MALL: variants seen among roughly 807,000 people sequenced by gnomAD.
The protein encoded by MALL is MAL-like protein.
MALL carries 2 observed loss-of-function variants against 10.3 expected under a neutral mutation model. That is an observed-to-expected ratio of 0.19 (90% CI 0.08 to 0.61). The LOEUF is 0.61. Ranked by LOEUF, MALL falls within the 20% of genes least tolerant of loss-of-function variation. The probability of loss-of-function intolerance (pLI) is 0.88; values close to 1 mark genes in which losing one functional copy is unlikely to be tolerated. For missense variants in MALL, 39 were observed against 115.2 expected (o/e 0.34, Z 3.03); for synonymous variants, 27 against 51.8 (o/e 0.52, Z 2.05).
intron 1 of MALL, among the ~76,000 whole-genome samples, chr2:110,099,779 C>T (rs564099992): frequency 1.3e-5 from 2 of 152,156 alleles, no homozygotes; most frequent in South Asian, 4.2e-4. Flanking sequence ...CTTGCTCTGG[C>T]CATTACTGTG....
chr2:110,112,113 C>A (rs1215066084), intron 1 of MALL, among the ~76,000 whole-genome samples: 6 of 152,088 alleles, frequency 3.9e-5, no homozygotes, highest in Admixed American at 3.9e-4. Context: ...AACTTAAGAC[C>A]TGAAATTACA....
At chr2:110,117,587 A>ATGTGTGTG (rs3840469), upstream of MALL, among the ~76,000 whole-genome samples, 789 of 105,292 alleles carry the variant, frequency 7.5e-3, 7 homozygotes, top group South Asian at 0.02. Context: ...GACCAAAGCA[A>ATGTGTGTG]TGTGTGTGTG....
intron 1 of MALL, among the ~76,000 whole-genome samples, chr2:110,112,565 C>CA (rs1678827590): frequency 6.7e-6 from 1 of 150,348 alleles, no homozygotes; most frequent in African/African-American, 2.5e-5. Context: ...TGGCCATAAT[C>CA]AAAAAATCAA....
chr2:110,114,034 CCAGGAGTT>C (rs1678858833), intron 1 of MALL, among the ~76,000 whole-genome samples: 1 of 152,116 alleles, frequency 6.6e-6, no homozygotes, highest in Non-Finnish European at 1.5e-5. Flanking sequence ...CTTTGCTCTT[CCAGGAGTT>C]TCACTGGCAG....
At chr2:110,113,910 G>A (rs1045469630) in intron 1 of MALL, among the ~76,000 whole-genome samples, 5 of 152,088 alleles carry the variant, frequency 3.3e-5, no homozygotes, top group African/African-American at 9.7e-5. Flanking sequence ...TAAATCTCAC[G>A]TTACTTAACA....
intron 1 of MALL, among the ~76,000 whole-genome samples, chr2:110,096,331 T>C (rs1402538781): frequency 6.6e-6 from 1 of 152,152 alleles, no homozygotes; most frequent in Non-Finnish European, 1.5e-5. Context: ...TGGGTTTGAA[T>C]CCCAGCTCTG....
chr2:110,105,144 G>A (rs1678660942), intron 1 of MALL, among the ~76,000 whole-genome samples: 1 of 152,174 alleles, frequency 6.6e-6, no homozygotes, highest in South Asian at 2.1e-4. Context: ...AACCTGCCCA[G>A]GGTCTCACAG....
chr2:110,113,380 G>A (rs1051321573), intron 1 of MALL, among the ~76,000 whole-genome samples: 6 of 144,292 alleles, frequency 4.2e-5, no homozygotes, highest in African/African-American at 1.5e-4. Context: ...GGAGCTTGCA[G>A]TGAGCCAAGA....
At chr2:110,104,473 G>A (rs904540438) in intron 1 of MALL, among the ~76,000 whole-genome samples, 1 of 151,724 alleles carries the variant, frequency 6.6e-6, no homozygotes, top group African/African-American at 2.4e-5. Context: ...ATTTTGTATC[G>A]CCAGTGCTTG....
chr2:110,112,905 C>CAT (rs1678834355), intron 1 of MALL, among the ~76,000 whole-genome samples: 1 of 149,206 alleles, frequency 6.7e-6, no homozygotes. Context: ...TAAATATATA[C>CAT]ATATATATGA....
chr2:110,095,789 A>G (rs1056531420), intron 1 of MALL, among the ~76,000 whole-genome samples: 18 of 152,026 alleles, frequency 1.2e-4, no homozygotes, highest in Non-Finnish European at 1.3e-4. Context: ...TTGGAGAGGG[A>G]GGTTGAGCCT....
At chr2:110,110,051 T>A (rs968326604) in intron 1 of MALL, among the ~76,000 whole-genome samples, 1 of 152,060 alleles carries the variant, frequency 6.6e-6, no homozygotes, top group Non-Finnish European at 1.5e-5. Context: ...TATCAAAACC[T>A]CTGGTATATA....
chr2:110,118,137 T>C (rs1428933904), upstream of MALL, among the ~76,000 whole-genome samples: 1 of 152,046 alleles, frequency 6.6e-6, no homozygotes, highest in South Asian at 2.1e-4. Flanking sequence ...GTTAATTGCA[T>C]TTCATGAAAG....
At chr2:110,110,337 AAAG>A (rs1391750347) in intron 1 of MALL, among the ~76,000 whole-genome samples, 1 of 152,146 alleles carries the variant, frequency 6.6e-6, no homozygotes, top group Non-Finnish European at 1.5e-5. Context: ...TTAACCAAGG[AAAG>A]AAGAGAGAAA....
chr2:110,103,999 A>G (rs1342916492), intron 1 of MALL, among the ~76,000 whole-genome samples: 2 of 151,990 alleles, frequency 1.3e-5, no homozygotes, highest in African/African-American at 4.8e-5. Flanking sequence ...GTTAGGAGAG[A>G]AGTGGGGGCT....
chr2:110,107,279 G>A (rs969748502), intron 1 of MALL, among the ~76,000 whole-genome samples: 1 of 152,154 alleles, frequency 6.6e-6, no homozygotes, highest in Non-Finnish European at 1.5e-5. Flanking sequence ...AGCTGGGGAG[G>A]AGGATAGCCT....
intron 1 of MALL, among the ~76,000 whole-genome samples, chr2:110,096,496 A>G (rs1678442706): frequency 6.6e-6 from 1 of 151,998 alleles, no homozygotes; most frequent in Admixed American, 6.6e-5. Flanking sequence ...AGTAGCCATA[A>G]CCATTTGGAA....
chr2:110,096,464 G>T (rs1216220119), intron 1 of MALL, among the ~76,000 whole-genome samples: 1 of 152,032 alleles, frequency 6.6e-6, no homozygotes, highest in Non-Finnish European at 1.5e-5. Context: ...GAGTCTGCTG[G>T]CACATGGTGA....
At chr2:110,095,011 G>A (rs1361078073) in intron 1 of MALL, among the ~76,000 whole-genome samples, 2 of 136,868 alleles carry the variant, frequency 1.5e-5, no homozygotes, top group Non-Finnish European at 3.1e-5. Flanking sequence ...CAGAATCAAT[G>A]TTCTGCAGAA....
Sources: allele counts gnomAD v4.1 joint callset (sites outside exome capture counted in the v4.1 genomes callset), GRCh38; gene constraint gnomAD v4.1.1; transcripts MANE v1.5; gene names NCBI Gene and HGNC (gene_info 2026-07-23, HGNC 2026-07-21).